DOCK10: variants seen among roughly 807,000 people sequenced by gnomAD.
DOCK10 encodes dedicator of cytokinesis 10.
A neutral mutation model predicts 280.1 loss-of-function variants in DOCK10; 145 were observed. The observed-to-expected ratio is 0.52, with a 90% CI of 0.45 to 0.59. DOCK10 has a LOEUF of 0.59. DOCK10 is among the 20% of genes least tolerant of loss of function. The probability of loss-of-function intolerance (pLI) is 0.00; values close to 1 mark genes in which losing one functional copy is unlikely to be tolerated. For synonymous variants in DOCK10, 915 were observed against 942.2 expected, an observed-to-expected ratio of 0.97 and a Z score of 0.53; for missense variants, 2,368 against 2,651.7, an observed-to-expected ratio of 0.89 and a Z score of 2.35.
At chr2:224,871,090 G>A (rs532880675) in intron 11 of DOCK10, among the ~76,000 whole-genome samples, 96 of 152,186 alleles carry the variant, frequency 6.3e-4, no homozygotes, top group African/African-American at 2.2e-3. Context: ...GCCTCCCAAA[G>A]TGCTGGGATT....
intron 1 of DOCK10, among the ~76,000 whole-genome samples, chr2:224,971,859 C>T (rs1015311956): frequency 2.0e-5 from 3 of 151,854 alleles, no homozygotes; most frequent in South Asian, 2.1e-4. Flanking sequence ...GAAGATTTGG[C>T]GTGAAAAAAA....
chr2:224,934,583 G>A (rs1702580163), intron 1 of DOCK10, among the ~76,000 whole-genome samples: 1 of 152,198 alleles, frequency 6.6e-6, no homozygotes, highest in Admixed American at 6.5e-5. Context: ...AGTTCTGTCC[G>A]CAGCAAGGGA....
chr2:224,781,590 G>A (rs1691342209), intron 50 of DOCK10, among the ~76,000 whole-genome samples: 1 of 152,128 alleles, frequency 6.6e-6, no homozygotes, highest in Admixed American at 6.5e-5. Flanking sequence ...TGAAAACCAG[G>A]GTCAGTTTCT....
Position 224,787,281 on chromosome 2 carries a change from G to A in DOCK10, c.5535C>T (p.Asp1845=). The part of the protein sequence containing the change: ...PIIAVFEKQR[D]FKKLSDLYYD... ...AGGGGGTTGGAATACATACTTTGAA[G>A]TCTCGTTGTTTCTCAAAGACAGCAA... Residue 1845 remains aspartate (D), a synonymous_variant, in exon 49 of 56, where the codon GAC becomes GAT. Coordinates refer to ENST00000258390, the MANE Select transcript of DOCK10 (RefSeq NM_014689.3). 6.2e-7 allele frequency: 1 copy of A among 1,613,954 alleles called. No individual in the cohort carries two copies. The highest frequency in any genetic ancestry group is 1.1e-5 in the South Asian group (1 of 91,082).
chr2:224,849,990 C>T (rs932151534), intron 18 of DOCK10, among the ~76,000 whole-genome samples: 3 of 152,074 alleles, frequency 2.0e-5, no homozygotes, highest in African/African-American at 4.8e-5. Flanking sequence ...AAATGAGATG[C>T]GGGCCAAGCT....
chr2:225,015,728 G>A (rs776347296), intron 1 of DOCK10, among the ~76,000 whole-genome samples: 1 of 152,106 alleles, frequency 6.6e-6, no homozygotes, highest in Admixed American at 6.5e-5. Context: ...TTCTAGACGC[G>A]CTATTTCTTT....
At position 224,794,939 on chromosome 2, in the gene DOCK10, T is replaced by G; in HGVS notation, c.5094A>C (p.Leu1698=). 1 of 1,613,930 alleles carries G rather than the reference T, an allele frequency of 6.2e-7. No homozygotes were observed. The highest frequency in any genetic ancestry group is 1.1e-5 in the South Asian group (1 of 91,072). ...CCATACTTTCCAGCCAGGTCCTGCG[T>G]AGTTCAGGAGTGCTTGCGTAGGAGT... ...LANSYASTPE[L]RRTWLESMAK... is the part of the protein sequence containing the mutation. The change falls in exon 45 of 56, where the codon CTA becomes CTC. Residue 1698 remains leucine, a synonymous_variant. Coordinates refer to ENST00000258390, the MANE Select transcript of DOCK10 (RefSeq NM_014689.3).
At chr2:225,024,116 T>C (rs947988061) in intron 1 of DOCK10, among the ~76,000 whole-genome samples, 1 of 152,262 alleles carries the variant, frequency 6.6e-6, no homozygotes, top group Non-Finnish European at 1.5e-5. Flanking sequence ...AACTGACCTG[T>C]ATTTTTCAAC....
Position 224,775,123 on chromosome 2 carries a change from A to T in DOCK10, c.5803-8T>A. On this transcript the variant is annotated splice_polypyrimidine_tract_variant and splice_region_variant and intron_variant, in intron 51 of 55. Transcript: ENST00000258390. ...CAAATCCTTGGGGTTTACCTGTGTT[A>T]ACAGATTATGGGCAAAGTGAGTGGT... The T allele has an allele frequency of 6.2e-7, 1 of 1,613,672 alleles. No individual in the cohort carries two copies. The highest frequency in any genetic ancestry group is 8.5e-7 in the Non-Finnish European group (1 of 1,179,636).
Position 224,845,633 on chromosome 2 carries a change from C to T in DOCK10, c.2245G>A (p.Glu749Lys). Residue 749 changes from glutamate to lysine, a missense_variant, in exon 20 of 56, where the codon GAG (glutamate) becomes AAG (lysine). By Grantham distance (56) the Glu-to-Lys change is moderately conservative. Transcript: ENST00000258390. ...NPDFSDEVKI[E>K]LPTQLHEKHH... ...TTCTCATGGAGTTGTGTTGGTAGCT[C>T]AATTTTCACCTGCAACGAAAGAAAC... is the stretch of plus-strand genomic sequence containing the variant. The T allele has an allele frequency of 6.2e-7, 1 of 1,608,994 alleles. No homozygotes were observed. The highest frequency in any genetic ancestry group is 1.1e-5 in the South Asian group (1 of 89,614).
At position 224,793,013 on chromosome 2, in the gene DOCK10, A is replaced by G. The variant is rs902856409; in HGVS notation, c.5272T>C (p.Cys1758Arg). The G allele has an allele frequency of 1.9e-6, 3 of 1,613,814 alleles. No homozygotes were observed. Among genetic ancestry groups the G allele is most frequent in the Non-Finnish European group, 2.5e-6 (3 of 1,179,774 alleles). ...GTTGTTAGTAATGAGTTGCTATCAC[A>G]GGGGTGGGTATCCTCCGAGAGCAGG... Reference protein sequence around the residue: ...ASLLSEDTHPCDSNSLLTTPS... With the variant: ...ASLLSEDTHPRDSNSLLTTPS... The change falls in exon 47 of 56, where the codon TGT (cysteine) becomes CGT (arginine). Residue 1758 changes from cysteine (C) to arginine (R), a missense_variant. By Grantham distance (180) the Cys-to-Arg change is radical (BLOSUM62 -3). This residue lies in a region of DOCK10 where 1,159 missense variants were observed against 1,400.8 expected (regional missense o/e 0.83). Coordinates refer to ENST00000258390, the MANE Select transcript of DOCK10 (RefSeq NM_014689.3).
At chr2:224,883,228 C>T (rs536967488) in intron 7 of DOCK10, among the ~76,000 whole-genome samples, 6 of 152,302 alleles carry the variant, frequency 3.9e-5, no homozygotes, top group South Asian at 2.1e-4. Flanking sequence ...TCATCGCTCT[C>T]GAGATATCGT....
rs538427889 is a variant in DOCK10 at position 225,031,151 on chromosome 2, C to T, written c.123+11101G>A. On this transcript the variant is annotated intron_variant, in intron 1 of 55. Transcript: ENST00000258390. Reference sequence around the variant, plus strand: ...GGGCAAAACCACACCTCTTCCTCCTCCTCCAGGACTGGCAACAGAGACAAA... The same window carrying T: ...GGGCAAAACCACACCTCTTCCTCCTTCTCCAGGACTGGCAACAGAGACAAA... Among the ~76,000 whole-genome samples, 3 of 152,302 alleles carry T rather than the reference C, an allele frequency of 2.0e-5. No homozygotes were observed. The South Asian group carries it at 6.2e-4, about 32-fold the overall frequency.
chr2:224,996,222 G>A (rs1275065649), intron 1 of DOCK10, among the ~76,000 whole-genome samples: 1 of 152,164 alleles, frequency 6.6e-6, no homozygotes, highest in East Asian at 1.9e-4. Context: ...ACTAGGAGTC[G>A]GCTGGGGGTG....
chr2:225,035,572 A>ATATATATATATATATAT (rs1559986747), intron 1 of DOCK10, among the ~76,000 whole-genome samples: 816 of 69,942 alleles, frequency 0.012, 64 homozygotes, highest in Middle Eastern at 0.047. Context: ...ATATATATAT[A>ATATATATATATATATAT]TATATATATA....
At chr2:224,899,718 A>T (rs79230594) in intron 3 of DOCK10, among the ~76,000 whole-genome samples, 1 of 152,300 alleles carries the variant, frequency 6.6e-6, no homozygotes, top group South Asian at 2.1e-4. Context: ...CCCAGAGTAT[A>T]TCGTCATGCA....
intron 21 of DOCK10, 82 bp from the exon 22 acceptor site, chr2:224,844,921 G>A: frequency 9.8e-7 from 1 of 1,022,968 alleles, no homozygotes; most frequent in Non-Finnish European, 1.5e-6. Flanking sequence ...ATGTTAATGT[G>A]CTGTTCTGAT....
At chr2:224,950,530 A>G (rs1183238375) in intron 1 of DOCK10, among the ~76,000 whole-genome samples, 1 of 152,188 alleles carries the variant, frequency 6.6e-6, no homozygotes, top group African/African-American at 2.4e-5. Context: ...TCTTAGCCAG[A>G]AGGGAAGTTC....
At chr2:225,038,074 G>T (rs1349563213) in intron 1 of DOCK10, among the ~76,000 whole-genome samples, 1 of 152,108 alleles carries the variant, frequency 6.6e-6, no homozygotes, top group African/African-American at 2.4e-5. Flanking sequence ...ACTCTGTCCA[G>T]AACAACAAAC....
Sources: gnomAD v4.1 joint callset for allele counts (sites outside exome capture counted in the v4.1 genomes callset) on GRCh38, gnomAD v4.1.1 for gene constraint, gnomAD v4.1.1 regional missense constraint, MANE v1.5 for transcripts, NCBI Gene and HGNC (gene_info 2026-07-23, HGNC 2026-07-21) for gene names.